PLA2G3: variants seen among roughly 807,000 people sequenced by gnomAD.
PLA2G3 encodes the protein phospholipase A2 group III.
A neutral mutation model predicts 51.3 loss-of-function variants in PLA2G3; 39 were observed. That is an observed-to-expected ratio of 0.76 (90% CI 0.59 to 0.99). PLA2G3 has a LOEUF of 0.99. Ranked by LOEUF, PLA2G3 falls within the 50% of genes least tolerant of loss-of-function variation. The probability of loss-of-function intolerance (pLI) is 0.00; values close to 1 mark genes in which losing one functional copy is unlikely to be tolerated. For synonymous variants in PLA2G3, 293 were observed against 263.1 expected (o/e 1.11, Z -1.10); for missense variants, 677 against 662.1 (o/e 1.02, Z -0.25).
rs886532554 is a variant in PLA2G3 at position 31,135,000 on chromosome 22, G to A, written c.*723C>T. 2.0e-5 allele frequency: 3 copies of A among 153,020 alleles called. No homozygotes were observed. Among genetic ancestry groups the A allele is most frequent in the East Asian group, 1.9e-4 (1 of 5,202 alleles). The allele number at this position is 153,020 out of a possible 1,614,324, so 9.5% of individuals were successfully genotyped here. ...TTATTAAGTGCTAAGCACTGTATAT[G>A]TATTGGTTCACTTAATCCTCAACAA... On this transcript the variant is annotated 3_prime_UTR_variant, in exon 7 of 7. Transcript: ENST00000215885.
chr22:31,138,427 AC>A lies in PLA2G3; in HGVS notation c.648-18del, dbSNP rs759848608. ...TGCTGAAACCTGCCCCAGAACAGATACCCAGGACCCTGGGGCATGGAGGGCT... is the reference window on the plus strand; with the variant it reads ...TGCTGAAACCTGCCCCAGAACAGATACCAGGACCCTGGGGCATGGAGGGCT... On this transcript the variant is annotated intron_variant, in intron 2 of 6. Transcript: ENST00000215885. The A allele has an allele frequency of 6.2e-6, 10 of 1,612,572 alleles. No homozygotes were observed. In the East Asian group the frequency reaches 2.0e-4, roughly 32 times the overall value.
In PLA2G3 at chr22:31,140,475, C is replaced by A; in HGVS notation, c.-121G>T. The stretch of plus-strand genomic sequence containing the variant: ...CCCAGCAGGCCCGGTGCGGCGGGAC[C>A]AATGAATGGAGCTGCGGGAGGAGGA... On this transcript the variant is annotated 5_prime_UTR_variant, in exon 1 of 7. Coordinates refer to ENST00000215885, the MANE Select transcript of PLA2G3 (RefSeq NM_015715.5). 8.9e-7 allele frequency: 1 copy of A among 1,119,588 alleles called. No individual in the cohort carries two copies. The highest frequency in any genetic ancestry group is 1.3e-6 in the Non-Finnish European group (1 of 796,116). 69.4% of individuals were successfully genotyped at this position (1,119,588 alleles called of 1,614,324 possible).
Position 31,137,690 on chromosome 22 carries a change from A to G in PLA2G3, c.1066+20T>C, listed in dbSNP as rs769611583. On this transcript the variant is annotated intron_variant, in intron 4 of 6. Transcript: ENST00000215885. ...CACCCCCTCATGTCAGGAACCCCCA[A>G]GGTTAGGTTCTGAGCTCACCCTGAG... 5.8e-6 allele frequency: 9 copies of G among 1,564,250 alleles called. No individual in the cohort carries two copies. The South Asian group carries it at 9.7e-5, about 17-fold the overall frequency.
chr22:31,136,441 G>A (rs1384968146), intron 6 of PLA2G3, among the ~76,000 whole-genome samples: 2 of 152,196 alleles, frequency 1.3e-5, no homozygotes, highest in Admixed American at 1.3e-4. Context: ...TGGAAACTTG[G>A]AAAGGTGAAC....
rs1602756304 is a variant in PLA2G3, at chr22:31,138,901, A to G, written c.515-102T>C. On this transcript the variant is annotated intron_variant, in intron 1 of 6. Coordinates refer to ENST00000215885, the MANE Select transcript of PLA2G3 (RefSeq NM_015715.5). ...GGAAGAGGGCAGAGACCTGGTTCTC[A>G]CCCCAGCCCTGACACAAACGCCATG... 2.1e-5 allele frequency: 25 copies of G among 1,172,426 alleles called. No individual in the cohort carries two copies. The East Asian group carries it at 6.2e-4, about 29-fold the overall frequency. The allele number at this position is 1,172,426 out of a possible 1,614,324, so 72.6% of individuals were successfully genotyped here. A position where few individuals can be genotyped will look rare whatever the true frequency, so the allele number is the denominator to read the frequency against.
In PLA2G3 at chr22:31,137,922, G is replaced by A. The variant is rs1922681400; in HGVS notation, c.854C>T (p.Ser285Phe). 1.2e-6 allele frequency: 2 copies of A among 1,612,616 alleles called. No homozygotes were observed. Among genetic ancestry groups the A allele is most frequent in the African/African-American group, 1.3e-5 (1 of 74,994 alleles). The change falls in exon 4 of 7, where the codon TCC becomes TTC. Residue 285 changes from serine (S) to phenylalanine (F), a missense_variant. By Grantham distance (155) the Ser-to-Phe change is radical. Coordinates refer to ENST00000215885, the MANE Select transcript of PLA2G3 (RefSeq NM_015715.5). ...GCTGGGAGTTGGGGAGGTGGCCCGG[G>A]AGCTCCAGGAGGCATTGTAGAAGGT... is the stretch of plus-strand genomic sequence containing the variant. ...PRTFYNASWS[S>F]RATSPTPSSR... is the part of the protein sequence containing the mutation.
chr22:31,140,088 A>G lies in PLA2G3; in HGVS notation c.267T>C (p.His89=), dbSNP rs55984643. ...GGATGAAGGAGCCCCAGGCAGTCTC[A>G]TGAGCACAGAGAGCACCGTAGGCTG... is the stretch of plus-strand genomic sequence containing the variant. ...LTAAYGALCA[H]ETAWGSFIHT... The change falls in exon 1 of 7, where the codon CAT becomes CAC. Residue 89 remains histidine (H), a synonymous_variant. Transcript: ENST00000215885. 2.7e-5 allele frequency: 44 copies of G among 1,612,898 alleles called. No homozygotes were observed. The highest frequency in any genetic ancestry group is 3.6e-5 in the Non-Finnish European group (43 of 1,179,604).
rs771118714 is a variant in PLA2G3 at position 31,138,819 on chromosome 22, G to T, written c.515-20C>A. On this transcript the variant is annotated intron_variant, in intron 1 of 6. Transcript: ENST00000215885. The stretch of plus-strand genomic sequence containing the variant: ...AGACCCCTGCAGGGAGGGGAGGGGA[G>T]AGGGCACCAACTCAGCAGGGTCCTA... 2.5e-6 allele frequency: 4 copies of T among 1,613,596 alleles called. No homozygotes were observed. The East Asian group carries it at 8.9e-5, about 36-fold the overall frequency.
chr22:31,138,196 A>G (rs952524045), intron 3 of PLA2G3, 80 bp downstream of exon 3: 3 of 1,530,328 alleles, frequency 2.0e-6, no homozygotes, highest in Non-Finnish European at 2.7e-6. Flanking sequence ...AGACAGACAG[A>G]CAGATAGCTC....
chr22:31,139,983 A>C lies in PLA2G3; in HGVS notation c.372T>G (p.Ser124Arg), dbSNP rs1249464017. 2 of 1,613,204 alleles carry C rather than the reference A, an allele frequency of 1.2e-6. No individual in the cohort carries two copies. The highest frequency in any genetic ancestry group is 1.1e-5 in the South Asian group (1 of 90,992). The stretch of plus-strand genomic sequence containing the variant: ...CTCGCTTCTTCCTGGCCCCTGCTGG[A>C]CTCTCCTCAAGCGCTCGGCATGCCT... The part of the protein sequence containing the change: ...QWEACRALEE[S>R]PAGARKKRAA... The change falls in exon 1 of 7, where the codon AGT becomes AGG. Residue 124 changes from serine (S) to arginine (R), a missense_variant. Ser to Arg is a moderately radical substitution (Grantham distance 110). Transcript: ENST00000215885.
In PLA2G3 at chr22:31,136,754, G is replaced by C. The variant is rs1333823661; in HGVS notation, c.1245C>G (p.Asn415Lys). Reference protein sequence around the residue: ...LRLHSPPEVTNMLWELLGTTC... With the variant: ...LRLHSPPEVTKMLWELLGTTC... ...TTGTGCCCAGCAGCTCCCAAAGCAT[G>C]TTGGTAACCTCGGGTGGGCTGTGGA... Residue 415 changes from asparagine to lysine, a missense_variant, in exon 6 of 7, where the codon AAC becomes AAG. Asn to Lys is a moderately conservative substitution (Grantham distance 94). Coordinates refer to ENST00000215885, the MANE Select transcript of PLA2G3 (RefSeq NM_015715.5). The C allele has an allele frequency of 6.2e-7, 1 of 1,613,628 alleles. No individual in the cohort carries two copies. Among genetic ancestry groups the C allele is most frequent in the Non-Finnish European group, 8.5e-7 (1 of 1,179,854 alleles).
chr22:31,138,260 G>A lies in PLA2G3; in HGVS notation c.782+16C>T, dbSNP rs754398130. 4 of 1,611,728 alleles carry A rather than the reference G, an allele frequency of 2.5e-6. No individual in the cohort carries two copies. The highest frequency in any genetic ancestry group is 2.7e-5 in the African/African-American group (2 of 74,880). The stretch of plus-strand genomic sequence containing the variant: ...CCTCTCTGTCTGGAAAGGGACATGA[G>A]GGGGTGGCCACGTACCCGCCCCACC... On this transcript the variant is annotated intron_variant, in intron 3 of 6. Coordinates refer to ENST00000215885, the MANE Select transcript of PLA2G3 (RefSeq NM_015715.5).
At position 31,139,918 on chromosome 22, in the gene PLA2G3, C is replaced by A. The variant is rs373302351; in HGVS notation, c.437G>T (p.Arg146Leu). ...QSGVPGGGHQ[R>L]EKRGWTMPGT... ...AGGCATGGTCCATCCTCTCTTCTCTCGCTGGTGCCCTCCACCAGGGACTCC... is the reference window on the plus strand; with the variant it reads ...AGGCATGGTCCATCCTCTCTTCTCTAGCTGGTGCCCTCCACCAGGGACTCC... Residue 146 changes from arginine (R) to leucine (L), a missense_variant, in exon 1 of 7, where the codon CGA becomes CTA. Coordinates refer to ENST00000215885, the MANE Select transcript of PLA2G3 (RefSeq NM_015715.5). 1.2e-6 allele frequency: 2 copies of A among 1,613,886 alleles called. No homozygotes were observed. Among genetic ancestry groups the A allele is most frequent in the African/African-American group, 2.7e-5 (2 of 74,902 alleles).
At chr22:31,139,713 G>A in intron 1 of PLA2G3, 128 bp downstream of exon 1, 1 of 643,656 alleles carries the variant, frequency 1.6e-6, no homozygotes, top group Non-Finnish European at 2.7e-6. Context: ...TACAGATAAG[G>A]AAATTGAGGT....
At chr22:31,135,957 G>A in intron 6 of PLA2G3, 21 bp from the exon 7 acceptor site, 2 of 1,594,022 alleles carry the variant, frequency 1.3e-6, no homozygotes, top group Non-Finnish European at 1.7e-6. Context: ...AGAAGAGTGG[G>A]GCAGATGATC....
chr22:31,135,727 T>G lies in PLA2G3; in HGVS notation c.1526A>C (p.Gln509Pro). The G allele has an allele frequency of 6.2e-7, 1 of 1,612,574 alleles. No individual in the cohort carries two copies. The highest frequency in any genetic ancestry group is 1.7e-5 in the Admixed American group (1 of 60,022). Residue 509 changes from glutamine to proline, a missense_variant, in exon 7 of 7, where the codon CAG (glutamine) becomes CCG (proline). Gln to Pro is a moderately conservative substitution (Grantham distance 76). Transcript: ENST00000215885. ...RPDRQQKSWS[Q>P] ...CCAGGAAAGCTGAAACTGAGGTCACTGGCTCCAGGACTTCTGCTGCCTGTC... is the reference window on the plus strand; with the variant it reads ...CCAGGAAAGCTGAAACTGAGGTCACGGGCTCCAGGACTTCTGCTGCCTGTC...
chr22:31,138,252 G>T, intron 3 of PLA2G3, 24 bp downstream of exon 3: 1 of 1,611,314 alleles, frequency 6.2e-7, no homozygotes, highest in South Asian at 1.1e-5. Flanking sequence ...GTCTGGAAAG[G>T]GACATGAGGG....
chr22:31,135,476 A>G lies in PLA2G3; in HGVS notation c.*247T>C. On this transcript the variant is annotated 3_prime_UTR_variant, in exon 7 of 7. Transcript: ENST00000215885. Reference sequence around the variant, plus strand: ...CAAGGCCAAAGCCCAGGGCATCAGAATGAGCTTCCTGAACACCACATCCAG... The same window carrying G: ...CAAGGCCAAAGCCCAGGGCATCAGAGTGAGCTTCCTGAACACCACATCCAG... 1.8e-6 allele frequency: 1 copy of G among 544,964 alleles called. No homozygotes were observed. The highest frequency in any genetic ancestry group is 3.3e-6 in the Non-Finnish European group (1 of 304,456). 33.8% of individuals were successfully genotyped at this position (544,964 alleles called of 1,614,324 possible). A position where few individuals can be genotyped will look rare whatever the true frequency, so the allele number is the denominator to read the frequency against.
intron 3 of PLA2G3, 88 bp from the exon 4 acceptor site, chr22:31,138,081 G>GGGGCGCTTGGA: frequency 7.1e-7 from 1 of 1,413,334 alleles, no homozygotes. Context: ...TCAATGCTCT[G>GGGGCGCTTGGA]CCAGTCCCAT....
Sources: allele counts gnomAD v4.1 joint callset (sites outside exome capture counted in the v4.1 genomes callset), GRCh38; gene constraint gnomAD v4.1.1; transcripts MANE v1.5; gene names NCBI Gene and HGNC (gene_info 2026-07-23, HGNC 2026-07-21).